MEGF6: variants seen among roughly 807,000 people sequenced by gnomAD.
MEGF6 encodes the protein multiple EGF like domains 6, also known as multiple epidermal growth factor-like domains protein 6.
In MEGF6, 184 loss-of-function variants were observed where a neutral mutation model predicts 207.1. The ratio of observed to expected loss-of-function variants is 0.89; its 90% confidence interval spans 0.79 to 1.00. The LOEUF (loss-of-function observed/expected upper bound fraction) is 1.00, where lower values mean the gene tolerates loss of function less well. Ranked by LOEUF, MEGF6 falls within the 50% of genes least tolerant of loss-of-function variation. MEGF6 has a pLI of 0.00. For missense variants in MEGF6, 2,282 were observed against 2,202.9 expected (o/e 1.04, Z -0.72); for synonymous variants, 1,038 against 910.0 (o/e 1.14, Z -2.53).
At chr1:3,516,265 C>T (rs1330965707) in intron 5 of MEGF6, among the ~76,000 whole-genome samples, 3 of 152,210 alleles carry the variant, frequency 2.0e-5, no homozygotes, top group Non-Finnish European at 4.4e-5. Flanking sequence ...GGCGCTGGGC[C>T]AGGCTGGGCA....
upstream of MEGF6, among the ~76,000 whole-genome samples, chr1:3,615,202 AG>A (rs1252640560): frequency 1.3e-5 from 2 of 152,244 alleles, no homozygotes; most frequent in African/African-American, 4.8e-5. Context: ...TGGAGAAAAA[AG>A]GACATTTTCA....
intron 4 of MEGF6, among the ~76,000 whole-genome samples, chr1:3,575,178 G>A (rs1022488723): frequency 6.6e-6 from 1 of 152,232 alleles, no homozygotes; most frequent in Non-Finnish European, 1.5e-5. Context: ...ACCAGTGGGT[G>A]TTGGGGAAGG....
At chr1:3,595,049 C>A in intron 3 of MEGF6, among the ~76,000 whole-genome samples, 1 of 152,142 alleles carries the variant, frequency 6.6e-6, no homozygotes, top group East Asian at 1.9e-4. Context: ...ATGCATGGCC[C>A]CAGGAAACCC....
At chr1:3,582,175 TTG>T (rs1643813331) in intron 3 of MEGF6, among the ~76,000 whole-genome samples, 1 of 152,118 alleles carries the variant, frequency 6.6e-6, no homozygotes, top group Admixed American at 6.5e-5. Context: ...CAGACATTAA[TTG>T]TTGCTCTTCA....
At chr1:3,601,981 G>A (rs1026686270) in intron 2 of MEGF6, among the ~76,000 whole-genome samples, 29 of 152,316 alleles carry the variant, frequency 1.9e-4, no homozygotes, top group African/African-American at 6.5e-4. Context: ...GGCACAACCC[G>A]CTTTGCGGCA....
At chr1:3,575,622 AG>A (rs1643619660) in intron 4 of MEGF6, among the ~76,000 whole-genome samples, 1 of 83,652 alleles carries the variant, frequency 1.2e-5, no homozygotes, top group Non-Finnish European at 2.5e-5. Flanking sequence ...GGCAAGGAGG[AG>A]CAAGTCACAT....
intron 1 of MEGF6, among the ~76,000 whole-genome samples, chr1:3,610,920 GA>G (rs1452699778): frequency 1.3e-5 from 2 of 151,978 alleles, no homozygotes; most frequent in African/African-American, 2.4e-5. Context: ...GGGAGAGTGG[GA>G]GGGGGGGAGG....
intron 4 of MEGF6, among the ~76,000 whole-genome samples, chr1:3,539,732 T>C (rs16823032): frequency 0.034 from 5,108 of 152,220 alleles, 143 homozygotes; most frequent in East Asian, 0.1. Context: ...CTTGGCTTGG[T>C]GACAGAAGCT....
intron 4 of MEGF6, among the ~76,000 whole-genome samples, chr1:3,571,108 G>C (rs1403326223): frequency 6.6e-6 from 1 of 152,178 alleles, no homozygotes; most frequent in Non-Finnish European, 1.5e-5. Flanking sequence ...GACACAGAGA[G>C]AGGGTCTGGG....
At chr1:3,494,198 A>AC in intron 32 of MEGF6, 74 bp from the exon 33 acceptor site, 2 of 1,467,950 alleles carry the variant, frequency 1.4e-6, no homozygotes, top group Non-Finnish European at 1.8e-6. Flanking sequence ...AGTGAGTAAA[A>AC]CCCGCCAATC....
chr1:3,514,014 C>T (rs932199096), intron 7 of MEGF6, among the ~76,000 whole-genome samples: 4 of 151,944 alleles, frequency 2.6e-5, no homozygotes, highest in Non-Finnish European at 2.9e-5. Flanking sequence ...TTTGGGAGGC[C>T]GAGGCGGGCG....
intron 10 of MEGF6, 38 bp from the exon 11 acceptor site, chr1:3,510,030 A>G (rs2821005): frequency 0.17 from 263,997 of 1,562,808 alleles, 24,326 homozygotes; most frequent in African/African-American, 0.33. Flanking sequence ...CTGTGCTCCC[A>G]GGTGGGGAAC....
In MEGF6 at chr1:3,489,349, G is replaced by T. The variant is rs973820407; in HGVS notation, c.*1179C>A. On this transcript the variant is annotated 3_prime_UTR_variant, in exon 37 of 37. Coordinates refer to ENST00000356575, the MANE Select transcript of MEGF6 (RefSeq NM_001409.4). The stretch of plus-strand genomic sequence containing the variant: ...ATGGGGGCGGCAGCCCAGACCCTAA[G>T]GGGGCCTTCTTAAGGGAGAGAGAGT... Among the ~76,000 whole-genome samples the T allele has an allele frequency of 2.6e-5, 4 of 152,196 alleles. No homozygotes were observed. Among genetic ancestry groups the T allele is most frequent in the African/African-American group, 9.7e-5 (4 of 41,450 alleles).
intron 4 of MEGF6, among the ~76,000 whole-genome samples, chr1:3,578,944 G>T (rs1043359547): frequency 6.8e-6 from 1 of 146,056 alleles, no homozygotes; most frequent in Non-Finnish European, 1.5e-5. Context: ...CAAACACGGG[G>T]ACCTCCTGAT....
intron 4 of MEGF6, among the ~76,000 whole-genome samples, chr1:3,557,281 C>T (rs1448311257): frequency 1.3e-5 from 2 of 152,232 alleles, no homozygotes; most frequent in Admixed American, 6.5e-5. Context: ...TGAAGCATTA[C>T]ACTTCTAACC....
intron 3 of MEGF6, among the ~76,000 whole-genome samples, chr1:3,582,958 T>C (rs1231801089): frequency 6.6e-6 from 1 of 152,154 alleles, no homozygotes; most frequent in East Asian, 1.9e-4. Context: ...TTGATCGCTG[T>C]CACGCACCCA....
chr1:3,602,179 C>A (rs7514061), intron 2 of MEGF6, among the ~76,000 whole-genome samples: 3 of 151,472 alleles, frequency 2.0e-5, no homozygotes, highest in African/African-American at 7.2e-5. Context: ...CCCCTTCCTG[C>A]GTGGCCAGCA....
At chr1:3,496,878 C>T (rs906750191) in intron 28 of MEGF6, 95 bp from the exon 29 acceptor site, 43 of 1,518,870 alleles carry the variant, frequency 2.8e-5, no homozygotes, top group Admixed American at 1.0e-4. Flanking sequence ...CCCCCACACC[C>T]TCCATCTTCC....
In MEGF6 at chr1:3,494,472, G is replaced by A; in HGVS notation, c.4028C>T (p.Ala1343Val). ...LACPPGRYGAACHLECSCHNN... is the reference protein window; with the variant it reads ...LACPPGRYGAVCHLECSCHNN... ...GTGGCAGGAGCACTCCAGATGGCAG[G>A]CGGCTCCGTAGCGCCCAGGGGGACA... The change falls in exon 32 of 37, where the codon GCC (alanine) becomes GTC (valine). Residue 1343 changes from alanine (A) to valine (V), a missense_variant. By Grantham distance (64) the Ala-to-Val change is moderately conservative. Coordinates refer to ENST00000356575, the MANE Select transcript of MEGF6 (RefSeq NM_001409.4). 1 of 1,583,228 alleles carries A rather than the reference G, an allele frequency of 6.3e-7. No homozygotes were observed. The highest frequency in any genetic ancestry group is 1.3e-5 in the African/African-American group (1 of 74,434).
Sources: allele counts gnomAD v4.1 joint callset (sites outside exome capture counted in the v4.1 genomes callset), GRCh38; gene constraint gnomAD v4.1.1; transcripts MANE v1.5; gene names NCBI Gene and HGNC (gene_info 2026-07-23, HGNC 2026-07-21).